The following DNAH9 variants were observed in gnomAD, a reference collection of about 807,000 sequenced individuals.
The protein encoded by DNAH9 is DNAH9 variant protein.
In DNAH9, 345 loss-of-function variants were observed where a neutral mutation model predicts 471.6. The ratio of observed to expected loss-of-function variants is 0.73; its 90% CI spans 0.67 to 0.80. DNAH9 has a LOEUF of 0.80. Ranked by LOEUF, DNAH9 falls within the 30% of genes least tolerant of loss-of-function variation. The probability of loss-of-function intolerance (pLI) is 0.00; values close to 1 mark genes in which losing one functional copy is unlikely to be tolerated. For synonymous variants in DNAH9, 2,093 were observed against 2,123.6 expected (o/e 0.99, Z 0.40); for missense variants, 5,407 against 5,609.2 (o/e 0.96, Z 1.15).
At chr17:11,640,434 G>A in intron 10 of DNAH9, 50 bp downstream of exon 10, 1 of 1,227,154 alleles carries the variant, frequency 8.1e-7, no homozygotes, top group Non-Finnish European at 1.2e-6. Flanking sequence ...TGCTGTTCCT[G>A]CTCTAGAATC....
intron 67 of DNAH9, among the ~76,000 whole-genome samples, chr17:11,952,403 C>T (rs1975416371): frequency 1.4e-5 from 2 of 147,956 alleles, no homozygotes; most frequent in South Asian, 4.4e-4. Flanking sequence ...AAGTGCTCCT[C>T]CTGCCTTGGC....
chr17:11,884,922 G>GT lies in DNAH9; in HGVS notation c.10971+1182dup, dbSNP rs112057545. 2.1e-3 allele frequency among the ~76,000 whole-genome samples: 307 copies of GT among 148,952 alleles called. 6 individuals are homozygous for GT. In the South Asian group the frequency reaches 0.043, roughly 21 times the overall value. The stretch of plus-strand genomic sequence containing the variant: ...ATCTCTTCTCCCCACCTCTTCATCT[G>GT]TTTTTTTTTTATCTTTTTCTTTAAA... On this transcript the variant is annotated intron_variant, in intron 56 of 68. Coordinates refer to ENST00000262442, the MANE Select transcript of DNAH9 (RefSeq NM_001372.4).
intron 68 of DNAH9, among the ~76,000 whole-genome samples, chr17:11,964,764 C>A (rs1258901383): frequency 6.6e-6 from 1 of 152,116 alleles, no homozygotes; most frequent in Non-Finnish European, 1.5e-5. Context: ...CCTATAAAAC[C>A]AACAGACCAC....
intron 13 of DNAH9, among the ~76,000 whole-genome samples, 157 bp downstream of exon 13, chr17:11,651,481 G>A (rs2073505383): frequency 6.6e-6 from 1 of 151,998 alleles, no homozygotes; most frequent in South Asian, 2.1e-4. Flanking sequence ...AAGGCAAGAA[G>A]GGTTGGTATT....
intron 28 of DNAH9, among the ~76,000 whole-genome samples, chr17:11,730,512 C>A (rs559080521): frequency 6.6e-6 from 1 of 152,292 alleles, no homozygotes; most frequent in African/African-American, 2.4e-5. Context: ...GGTCACTTCA[C>A]AACCTGGAAT....
In DNAH9 at chr17:11,928,008, A is replaced by G. The variant is rs1288353679; in HGVS notation, c.11878-1858A>G. The stretch of plus-strand genomic sequence containing the variant: ...ACACTCTGCTCCAATTGATTTGATT[A>G]TAAGTAAATTATTTAATTTCACCAA... On this transcript the variant is annotated intron_variant, in intron 62 of 68. Coordinates refer to ENST00000262442, the MANE Select transcript of DNAH9 (RefSeq NM_001372.4). 2.6e-5 allele frequency among the ~76,000 whole-genome samples: 4 copies of G among 152,238 alleles called. No homozygotes were observed. In the East Asian group the frequency reaches 5.8e-4, roughly 22 times the overall value.
intron 17 of DNAH9, among the ~76,000 whole-genome samples, chr17:11,676,152 A>G (rs11868620): frequency 0.17 from 26,325 of 151,920 alleles, 2,386 homozygotes; most frequent in African/African-American, 0.21. Context: ...TTAGTAAGTC[A>G]TATTTTCTAG....
chr17:11,732,756 C>T (rs1450664816), intron 28 of DNAH9, among the ~76,000 whole-genome samples: 2 of 152,168 alleles, frequency 1.3e-5, no homozygotes, highest in Admixed American at 6.5e-5. Context: ...GTTATCTGCG[C>T]CCGGGGACAT....
chr17:11,709,090 T>C (rs1411177013), intron 26 of DNAH9, among the ~76,000 whole-genome samples: 1 of 152,182 alleles, frequency 6.6e-6, no homozygotes, highest in African/African-American at 2.4e-5. Flanking sequence ...GCCCAGGAAT[T>C]GAAGATAATT....
At chr17:11,693,222 TA>T (rs1430659178) in intron 20 of DNAH9, among the ~76,000 whole-genome samples, 1 of 142,328 alleles carries the variant, frequency 7.0e-6, no homozygotes, top group African/African-American at 2.6e-5. Flanking sequence ...TTATTATTGC[TA>T]CTTTTAAAAT....
At chr17:11,790,385 T>A (rs1012601600) in intron 41 of DNAH9, among the ~76,000 whole-genome samples, 4 of 152,048 alleles carry the variant, frequency 2.6e-5, no homozygotes, top group East Asian at 1.9e-4. Context: ...AATTAGTATA[T>A]CTTCCTAGCA....
chr17:11,816,219 ATTAAT>A (rs1443647728), intron 45 of DNAH9, among the ~76,000 whole-genome samples: 1 of 152,216 alleles, frequency 6.6e-6, no homozygotes, highest in African/African-American at 2.4e-5. Flanking sequence ...TTTGCTGTTG[ATTAAT>A]TTACGTTATT....
chr17:11,784,625 C>A, intron 41 of DNAH9, 86 bp downstream of exon 41: 1 of 1,574,662 alleles, frequency 6.4e-7, no homozygotes, highest in South Asian at 1.2e-5. Flanking sequence ...AGCTAATGCC[C>A]AGCTCATAGG....
intron 15 of DNAH9, 83 bp from the exon 16 acceptor site, chr17:11,668,981 C>T (rs1597457329): frequency 1.0e-6 from 1 of 962,816 alleles, no homozygotes; most frequent in East Asian, 2.4e-5. Context: ...AAAAGCATTG[C>T]TCTGGGTGCT....
chr17:11,792,248 T>C (rs1424637576), intron 41 of DNAH9, among the ~76,000 whole-genome samples: 2 of 152,186 alleles, frequency 1.3e-5, no homozygotes, highest in African/African-American at 2.4e-5. Flanking sequence ...CACTCCAGCC[T>C]GGGCAACAAG....
chr17:11,665,963 G>T (rs574019204), intron 15 of DNAH9, among the ~76,000 whole-genome samples: 22 of 152,312 alleles, frequency 1.4e-4, no homozygotes, highest in African/African-American at 5.1e-4. Context: ...CATCCCCATG[G>T]TCTTGATAGG....
At chr17:11,822,212 G>T in intron 46 of DNAH9, 150 bp downstream of exon 46, 1 of 1,062,784 alleles carries the variant, frequency 9.4e-7, no homozygotes, top group Non-Finnish European at 1.3e-6. Flanking sequence ...CAGTTGCCAG[G>T]ACACCCTTCT....
At chr17:11,890,057 G>A (rs1973001913) in intron 57 of DNAH9, among the ~76,000 whole-genome samples, 1 of 152,124 alleles carries the variant, frequency 6.6e-6, no homozygotes, top group Non-Finnish European at 1.5e-5. Flanking sequence ...ATGTACCTAG[G>A]TTTTTAATTT....
intron 61 of DNAH9, among the ~76,000 whole-genome samples, chr17:11,919,608 C>T (rs906423017): frequency 1.3e-5 from 2 of 151,574 alleles, no homozygotes; most frequent in African/African-American, 2.4e-5. Flanking sequence ...CAAAGCGCTT[C>T]GAAATTGAGA....
Sources: gnomAD v4.1 joint callset for allele counts (sites outside exome capture counted in the v4.1 genomes callset) on GRCh38, gnomAD v4.1.1 for gene constraint, MANE v1.5 for transcripts, NCBI Gene and HGNC (gene_info 2026-07-23, HGNC 2026-07-21) for gene names.